GREB1L: variants seen among roughly 807,000 people sequenced by gnomAD.
GREB1L encodes the protein GREB1 like retinoic acid receptor coactivator.
GREB1L carries 17 observed loss-of-function variants against 200.8 expected under a neutral mutation model. That is an observed-to-expected ratio of 0.08 (90% CI 0.06 to 0.13). GREB1L has a LOEUF of 0.13. Ranked by LOEUF, GREB1L falls within the 10% of genes least tolerant of loss-of-function variation. GREB1L has a pLI of 1.00. For missense variants in GREB1L, 1,657 were observed against 2,367.7 expected, an observed-to-expected ratio of 0.70 and a Z score of 6.23; for synonymous variants, 789 against 893.0, an observed-to-expected ratio of 0.88 and a Z score of 2.08.
intron 15 of GREB1L, among the ~76,000 whole-genome samples, chr18:21,470,357 ATTTAAT>A (rs1445260830): frequency 6.6e-6 from 1 of 152,154 alleles, no homozygotes; most frequent in Non-Finnish European, 1.5e-5. Context: ...TTTGAGGAAA[ATTTAAT>A]TTTTATTTTA....
At position 21,243,499 on chromosome 18, in the gene GREB1L, C is replaced by G. The variant is rs183818696; in HGVS notation, c.-120+1106C>G. Among the ~76,000 whole-genome samples, 308 of 152,336 alleles carry G rather than the reference C, an allele frequency of 2.0e-3. 3 individuals are homozygous for G. Among genetic ancestry groups the G allele is most frequent in the Non-Finnish European group, 1.4e-3 (94 of 68,020 alleles). ...CGTAAGGTGTTTTTTTCCGCCTCCC[C>G]CCGCCTCGAGGCGGGAATCCCTGCT... On this transcript the variant is annotated intron_variant, in intron 1 of 32. Transcript: ENST00000424526.
intron 1 of GREB1L, among the ~76,000 whole-genome samples, chr18:21,326,036 A>G (rs1429566928): frequency 6.6e-6 from 1 of 152,080 alleles, no homozygotes; most frequent in Non-Finnish European, 1.5e-5. Flanking sequence ...ATAAATTAGG[A>G]AAGTCTAAAT....
chr18:21,352,488 C>T (rs967560913), intron 1 of GREB1L, among the ~76,000 whole-genome samples: 4 of 151,778 alleles, frequency 2.6e-5, no homozygotes, highest in Admixed American at 1.3e-4. Context: ...GGCTGGAGTG[C>T]GATGGTGAGA....
At chr18:21,465,998 C>A (rs559028102) in intron 15 of GREB1L, among the ~76,000 whole-genome samples, 2 of 152,092 alleles carry the variant, frequency 1.3e-5, no homozygotes, top group African/African-American at 2.4e-5. Context: ...ACTTCTAAAC[C>A]ATATGTGCTT....
At chr18:21,379,842 G>T (rs1370551607) in intron 2 of GREB1L, among the ~76,000 whole-genome samples, 1 of 152,118 alleles carries the variant, frequency 6.6e-6, no homozygotes, top group Non-Finnish European at 1.5e-5. Flanking sequence ...AATTTTTAAT[G>T]TTTGTATTGT....
In GREB1L at chr18:21,384,281, C is replaced by G; in HGVS notation, c.233C>G (p.Ser78Cys). ...ACTCAAAATGGAAGTCTGGATTTTTCTAACAATCTAACAGTTAATGAAATG... is the reference window on the plus strand; with the variant it reads ...ACTCAAAATGGAAGTCTGGATTTTTGTAACAATCTAACAGTTAATGAAATG... The part of the protein sequence containing the change: ...RYTQNGSLDF[S>C]NNLTVNEMED... The change falls in exon 4 of 33, where the codon TCT (serine) becomes TGT (cysteine). Residue 78 changes from serine (S) to cysteine (C), a missense_variant. Physicochemically the swap from Ser to Cys is moderately radical, Grantham distance 112. Around this residue, in one of 9 missense-constraint regions of GREB1L, gnomAD observed 121 missense variants for 126.6 expected, o/e 0.96. Transcript: ENST00000424526. 2 of 1,550,984 alleles carry G rather than the reference C, an allele frequency of 1.3e-6. No homozygotes were observed. Among genetic ancestry groups the G allele is most frequent in the Non-Finnish European group, 1.7e-6 (2 of 1,146,336 alleles).
intron 1 of GREB1L, among the ~76,000 whole-genome samples, chr18:21,281,160 T>G (rs931028746): frequency 1.3e-5 from 2 of 152,214 alleles, no homozygotes; most frequent in Non-Finnish European, 2.9e-5. Flanking sequence ...AAAGAGAATT[T>G]CAGTTAATTT....
chr18:21,395,601 G>A (rs1439479739), intron 5 of GREB1L, 40 bp downstream of exon 5: 9 of 1,405,946 alleles, frequency 6.4e-6, no homozygotes, highest in East Asian at 2.6e-5. Context: ...CCAATATGAG[G>A]GAGTTAAAAT....
At chr18:21,293,898 G>A (rs1196847051) in intron 1 of GREB1L, among the ~76,000 whole-genome samples, 1 of 152,144 alleles carries the variant, frequency 6.6e-6, no homozygotes, top group Non-Finnish European at 1.5e-5. Context: ...TCATACCTCA[G>A]CCTCCCGAGC....
intron 5 of GREB1L, among the ~76,000 whole-genome samples, chr18:21,397,547 T>G (rs2041133429): frequency 7.9e-6 from 1 of 126,474 alleles, no homozygotes; most frequent in Admixed American, 8.5e-5. Flanking sequence ...AAAAAAATAA[T>G]AATAATAATT....
At chr18:21,274,948 A>G (rs1285739969) in intron 1 of GREB1L, among the ~76,000 whole-genome samples, 3 of 152,098 alleles carry the variant, frequency 2.0e-5, no homozygotes, top group Non-Finnish European at 2.9e-5. Flanking sequence ...ATAACAATGA[A>G]AAAAATAAAA....
intron 2 of GREB1L, among the ~76,000 whole-genome samples, chr18:21,375,408 G>A (rs1325986424): frequency 2.0e-5 from 3 of 152,074 alleles, no homozygotes; most frequent in African/African-American, 7.2e-5. Context: ...ATTTTGTTGT[G>A]ATTTTTAAAA....
chr18:21,507,134 T>C (rs2037049054), intron 25 of GREB1L, among the ~76,000 whole-genome samples: 1 of 152,244 alleles, frequency 6.6e-6, no homozygotes, highest in Non-Finnish European at 1.5e-5. Context: ...ATTTGTTTTC[T>C]TGGTGTCACT....
chr18:21,514,447 A>T (rs991947001), intron 28 of GREB1L, among the ~76,000 whole-genome samples: 1 of 152,202 alleles, frequency 6.6e-6, no homozygotes, highest in African/African-American at 2.4e-5. Context: ...CCCAAGAGGC[A>T]GATGTTGCAG....
chr18:21,356,947 T>C (rs1340121538), intron 1 of GREB1L, among the ~76,000 whole-genome samples: 3 of 152,246 alleles, frequency 2.0e-5, no homozygotes, highest in Admixed American at 1.3e-4. Flanking sequence ...TTTTTTCATA[T>C]ACTGTTGGCG....
At chr18:21,470,772 A>G (rs776233256) in intron 15 of GREB1L, among the ~76,000 whole-genome samples, 6 of 152,214 alleles carry the variant, frequency 3.9e-5, no homozygotes, top group Non-Finnish European at 7.3e-5. Flanking sequence ...AAAAACAGGA[A>G]AGAAAGCACA....
chr18:21,428,183 C>CGA, intron 7 of GREB1L, among the ~76,000 whole-genome samples: 1 of 106,752 alleles, frequency 9.4e-6, no homozygotes, highest in East Asian at 2.8e-4. Flanking sequence ...GGCGACAGAG[C>CGA]GAGACTCCGT....
At chr18:21,323,650 T>G (rs8082993) in intron 1 of GREB1L, among the ~76,000 whole-genome samples, 11,774 of 152,196 alleles carry the variant, frequency 0.077, 716 homozygotes, top group African/African-American at 0.15. Context: ...GAGGATCTTT[T>G]TGAGAGGCCA....
At chr18:21,351,571 T>G (rs1245773615) in intron 1 of GREB1L, among the ~76,000 whole-genome samples, 2 of 150,412 alleles carry the variant, frequency 1.3e-5, no homozygotes, top group Admixed American at 1.3e-4. Context: ...AGACTTTGTC[T>G]TAAAAAAAAA....
Sources: gnomAD v4.1 joint callset for allele counts (sites outside exome capture counted in the v4.1 genomes callset) on GRCh38, gnomAD v4.1.1 for gene constraint, gnomAD v4.1.1 regional missense constraint, MANE v1.5 for transcripts, NCBI Gene and HGNC (gene_info 2026-07-23, HGNC 2026-07-21) for gene names.